PKP2: variants seen among roughly 807,000 people sequenced by gnomAD.
PKP2 encodes plakophilin-2.
A neutral mutation model predicts 83.4 loss-of-function variants in PKP2; 73 were observed. The observed-to-expected ratio is 0.88, with a 90% confidence interval of 0.72 to 1.06. The LOEUF (loss-of-function observed/expected upper bound fraction) is 1.06, where lower values mean the gene tolerates loss of function less well. Ranked by LOEUF, PKP2 falls within the 50% of genes least tolerant of loss-of-function variation. PKP2 has a pLI of 0.00. For missense variants in PKP2, 966 were observed against 1,065.4 expected (o/e 0.91, Z 1.30); for synonymous variants, 409 against 430.4 (o/e 0.95, Z 0.62).
In PKP2 at chr12:32,862,695, G is replaced by A. The variant is rs555618973; in HGVS notation, c.1170+6232C>T. Reference sequence around the variant, plus strand: ...ATTCTTCAGATCATCTGGGCACGGTGGCTCACACCTCTAATCCCTGCACTT... The same window carrying A: ...ATTCTTCAGATCATCTGGGCACGGTAGCTCACACCTCTAATCCCTGCACTT... On this transcript the variant is annotated intron_variant, in intron 4 of 12. Coordinates refer to ENST00000340811, the MANE Select transcript of PKP2 (RefSeq NM_001005242.3). Among the ~76,000 whole-genome samples, 5 of 152,204 alleles carry A rather than the reference G, an allele frequency of 3.3e-5. No individual in the cohort carries two copies. The East Asian group carries it at 7.7e-4, about 24-fold the overall frequency.
At chr12:32,880,452 A>G (rs1216741083) in intron 1 of PKP2, among the ~76,000 whole-genome samples, 1 of 152,162 alleles carries the variant, frequency 6.6e-6, no homozygotes, top group African/African-American at 2.4e-5. Flanking sequence ...CAGCATGATC[A>G]AGGGAAACAT....
At chr12:32,879,282 C>T (rs928797482) in intron 1 of PKP2, among the ~76,000 whole-genome samples, 6 of 152,222 alleles carry the variant, frequency 3.9e-5, no homozygotes, top group Non-Finnish European at 7.3e-5. Context: ...CCTCTTATCC[C>T]AGCACTCTGG....
intron 1 of PKP2, among the ~76,000 whole-genome samples, chr12:32,892,106 CT>C (rs1322845547): frequency 2.6e-5 from 4 of 151,784 alleles, no homozygotes; most frequent in Non-Finnish European, 5.9e-5. Flanking sequence ...CCATCTCACT[CT>C]TTTTTTTCCC....
At chr12:32,836,078 A>G (rs769900758) in intron 6 of PKP2, among the ~76,000 whole-genome samples, 1 of 152,242 alleles carries the variant, frequency 6.6e-6, no homozygotes, top group Non-Finnish European at 1.5e-5. Flanking sequence ...ACTGGAGTGT[A>G]CAATTTATTT....
intron 1 of PKP2, among the ~76,000 whole-genome samples, chr12:32,887,528 A>T (rs900429929): frequency 6.6e-6 from 1 of 152,182 alleles, no homozygotes; most frequent in Non-Finnish European, 1.5e-5. Context: ...ATCTTGGCTC[A>T]CTGAAACCTC....
chr12:32,847,426 A>G (rs1956656880), intron 5 of PKP2, among the ~76,000 whole-genome samples: 1 of 152,218 alleles, frequency 6.6e-6, no homozygotes, highest in African/African-American at 2.4e-5. Flanking sequence ...TGATGCCTGA[A>G]TGGTTTCACA....
chr12:32,812,364 A>G (rs1249945640), intron 9 of PKP2, among the ~76,000 whole-genome samples: 1 of 152,162 alleles, frequency 6.6e-6, no homozygotes, highest in African/African-American at 2.4e-5. Flanking sequence ...TCACCCAGAA[A>G]GCTAACTGAG....
intron 4 of PKP2, among the ~76,000 whole-genome samples, chr12:32,859,089 T>G (rs2137890329): frequency 6.6e-6 from 1 of 152,328 alleles, no homozygotes; most frequent in East Asian, 1.9e-4. Flanking sequence ...TAGGTTTGCT[T>G]CCCAGGGTAT....
rs536386762 is a variant in PKP2 at position 32,829,242 on chromosome 12, T to A, written c.1557-5080A>T. Among the ~76,000 whole-genome samples the A allele has an allele frequency of 5.7e-3, 861 of 150,960 alleles. 4 individuals are homozygous for A. Among genetic ancestry groups the A allele is most frequent in the Non-Finnish European group, 9.4e-3 (636 of 67,740 alleles). On this transcript the variant is annotated intron_variant, in intron 6 of 12. Transcript: ENST00000340811. ...TGCCTGGCCCAGAAATTTCTTTATT[T>A]TTTATTTATTTTTTCTTATTTTTTT...
intron 6 of PKP2, among the ~76,000 whole-genome samples, chr12:32,828,732 CA>C (rs1956468007): frequency 6.6e-6 from 1 of 152,134 alleles, no homozygotes; most frequent in Admixed American, 6.5e-5. Flanking sequence ...AAGTTTGTTA[CA>C]ACACAGAACA....
intron 4 of PKP2, among the ~76,000 whole-genome samples, chr12:32,859,096 G>A (rs1204949172): frequency 6.6e-6 from 1 of 152,080 alleles, no homozygotes; most frequent in Admixed American, 6.5e-5. Flanking sequence ...GCTTCCCAGG[G>A]TATTTATGTC....
intron 3 of PKP2, among the ~76,000 whole-genome samples, chr12:32,869,479 T>C (rs1450782937): frequency 6.6e-6 from 1 of 151,048 alleles, no homozygotes; most frequent in Non-Finnish European, 1.5e-5. Flanking sequence ...TCAGGTGTAA[T>C]ACTGTAATAC....
At position 32,871,023 on chromosome 12, in the gene PKP2, G is replaced by T. The variant is rs1237838488; in HGVS notation, c.1035-1961C>A. Among the ~76,000 whole-genome samples, 3 of 152,016 alleles carry T rather than the reference G, an allele frequency of 2.0e-5. No individual in the cohort carries two copies. The East Asian group carries it at 5.8e-4, about 29-fold the overall frequency. On this transcript the variant is annotated intron_variant, in intron 3 of 12. Coordinates refer to ENST00000340811, the MANE Select transcript of PKP2 (RefSeq NM_001005242.3). Reference sequence around the variant, plus strand: ...GCAAGGTTTACTACAGCTGTCAGGGGGTCAACTTTCTGTTTGACTATCTAT... The same window carrying T: ...GCAAGGTTTACTACAGCTGTCAGGGTGTCAACTTTCTGTTTGACTATCTAT...
chr12:32,883,535 A>C (rs1422478750), intron 1 of PKP2, among the ~76,000 whole-genome samples: 1 of 152,256 alleles, frequency 6.6e-6, no homozygotes, highest in Non-Finnish European at 1.5e-5. Context: ...AAAATAGAAG[A>C]AAGCAAACAA....
intron 4 of PKP2, among the ~76,000 whole-genome samples, chr12:32,867,990 C>A (rs1173324586): frequency 1.3e-5 from 2 of 152,040 alleles, no homozygotes; most frequent in Non-Finnish European, 2.9e-5. Context: ...ATGCACAAAG[C>A]AATTCATTGA....
In PKP2 at chr12:32,802,442, T is replaced by TCAG; in HGVS notation, c.2125_2127dup (p.Leu709dup). The TCAG allele has an allele frequency of 6.2e-7, 1 of 1,614,222 alleles. No homozygotes were observed. The highest frequency in any genetic ancestry group is 8.5e-7 in the Non-Finnish European group (1 of 1,180,034). Reference sequence around the variant, plus strand: ...AGAGAAAGATTCCGGGACAGATTCCTCAGCAGCGAGATGGCTGTCTTTTTC... The same window carrying TCAG: ...AGAGAAAGATTCCGGGACAGATTCCTCAGCAGCAGCGAGATGGCTGTCTTTTTC... On this transcript the variant is annotated inframe_insertion, in exon 10 of 13. Coordinates refer to ENST00000340811, the MANE Select transcript of PKP2 (RefSeq NM_001005242.3).
chr12:32,827,246 C>G (rs889967479), intron 6 of PKP2, among the ~76,000 whole-genome samples: 1 of 152,190 alleles, frequency 6.6e-6, no homozygotes, highest in Non-Finnish European at 1.5e-5. Context: ...TATCCAGACT[C>G]TACTTGCTTG....
At chr12:32,801,267 G>A (rs1296213534) in intron 10 of PKP2, among the ~76,000 whole-genome samples, 2 of 152,174 alleles carry the variant, frequency 1.3e-5, no homozygotes, top group African/African-American at 4.8e-5. Flanking sequence ...GTATAGTGCT[G>A]TTATTTACCT....
intron 1 of PKP2, among the ~76,000 whole-genome samples, chr12:32,879,904 C>CA (rs1383582355): frequency 2.0e-5 from 3 of 150,072 alleles, no homozygotes; most frequent in Non-Finnish European, 4.4e-5. Context: ...AGGAAATTCA[C>CA]AAAAATCTAA....
Sources: gnomAD v4.1 joint callset for allele counts (sites outside exome capture counted in the v4.1 genomes callset) on GRCh38, gnomAD v4.1.1 for gene constraint, MANE v1.5 for transcripts, NCBI Gene and HGNC (gene_info 2026-07-23, HGNC 2026-07-21) for gene names.